DYNAP: variants seen among roughly 807,000 people sequenced by gnomAD.
DYNAP encodes the protein dynactin-associated protein.
DYNAP carries 7 observed loss-of-function variants against 8.5 expected under a neutral mutation model. That is an observed-to-expected ratio of 0.82 (90% confidence interval 0.47 to 1.54). The LOEUF is 1.54. DYNAP is among the 40% of genes most tolerant of loss of function. The pLI is 0.01. For missense variants in DYNAP, 256 were observed against 224.3 expected, an observed-to-expected ratio of 1.14 and a Z score of -0.90; for synonymous variants, 77 against 77.9, an observed-to-expected ratio of 0.99 and a Z score of 0.06.
intron 1 of DYNAP, among the ~76,000 whole-genome samples, chr18:54,592,325 T>C (rs1342414500): frequency 1.3e-5 from 2 of 152,154 alleles, no homozygotes; most frequent in Non-Finnish European, 2.9e-5. Flanking sequence ...ATAGTTTTTC[T>C]AGATAATAAC....
chr18:54,578,713 G>C, the DYNAP span, among the ~76,000 whole-genome samples: 31 of 152,156 alleles, frequency 2.0e-4, no homozygotes, highest in Admixed American at 1.4e-3. Flanking sequence ...TATAATAGAA[G>C]TAATGCTTAC....
At chr18:54,580,777 C>T in the DYNAP span, among the ~76,000 whole-genome samples, 1 of 152,180 alleles carries the variant, frequency 6.6e-6, no homozygotes, top group Non-Finnish European at 1.5e-5. Flanking sequence ...ACAATTTAGC[C>T]CATTTCCAAG....
At chr18:54,576,665 T>A in the DYNAP span, among the ~76,000 whole-genome samples, 1 of 148,734 alleles carries the variant, frequency 6.7e-6, no homozygotes. Flanking sequence ...GAGCTGAGAG[T>A]GGTGGTGCAC....
At chr18:54,585,049 G>T (rs1568238985), upstream of DYNAP, among the ~76,000 whole-genome samples, 1 of 152,030 alleles carries the variant, frequency 6.6e-6, no homozygotes, top group Non-Finnish European at 1.5e-5. Context: ...TACCTTGAGA[G>T]GAATGAATCA....
At position 54,598,133 on chromosome 18, in the gene DYNAP, C is replaced by T. The variant is rs373983597; in HGVS notation, c.543C>T (p.Thr181=). 4.0e-5 allele frequency: 64 copies of T among 1,607,462 alleles called. No homozygotes were observed. Among genetic ancestry groups the T allele is most frequent in the Admixed American group, 1.8e-4 (11 of 59,680 alleles). ...TSTEPITVAP[T]DHL ...CAGAACCTATAACTGTTGCACCTAC[C>T]GATCATTTATAATTTGAACAGCCAT... The change falls in exon 3 of 3, where the codon ACC becomes ACT. Residue 181 remains threonine (T), a synonymous_variant. Transcript: ENST00000648945.
chr18:54,597,247 G>C (rs1911331879), intron 2 of DYNAP, among the ~76,000 whole-genome samples: 1 of 152,038 alleles, frequency 6.6e-6, no homozygotes, highest in Non-Finnish European at 1.5e-5. Flanking sequence ...GGGTGAGAGA[G>C]GAAAGAATAA....
intron 2 of DYNAP, 79 bp from the exon 3 acceptor site, chr18:54,597,734 G>T: frequency 7.0e-7 from 1 of 1,424,204 alleles, no homozygotes; most frequent in Non-Finnish European, 9.5e-7. Context: ...AACCCAATAA[G>T]TTATAAGTAA....
chr18:54,597,472 A>G (rs1253842633), intron 2 of DYNAP, among the ~76,000 whole-genome samples: 1 of 152,146 alleles, frequency 6.6e-6, no homozygotes, highest in Non-Finnish European at 1.5e-5. Flanking sequence ...GAGGCTGAAC[A>G]TGTGTGAGGG....
intron 2 of DYNAP, among the ~76,000 whole-genome samples, chr18:54,596,006 A>G (rs1022549634): frequency 1.6e-4 from 24 of 152,232 alleles, no homozygotes; most frequent in Middle Eastern, 3.4e-3. Flanking sequence ...ATCCATATCA[A>G]TCATGGAATT....
upstream of DYNAP, among the ~76,000 whole-genome samples, chr18:54,588,088 G>A (rs890689440): frequency 1.3e-5 from 2 of 152,016 alleles, no homozygotes; most frequent in Non-Finnish European, 2.9e-5. Context: ...TCAAGCTTTC[G>A]ATAAAGAAAG....
chr18:54,576,427 A>G, the DYNAP span, among the ~76,000 whole-genome samples: 24 of 152,296 alleles, frequency 1.6e-4, no homozygotes, highest in Non-Finnish European at 3.1e-4. Flanking sequence ...TTTAATTTTC[A>G]TCTGTCAGTG....
rs1486515470 is a variant in DYNAP, at chr18:54,598,279, C to T, written c.*134C>T. On this transcript the variant is annotated 3_prime_UTR_variant, in exon 3 of 3. Transcript: ENST00000648945. The stretch of plus-strand genomic sequence containing the variant: ...CAGTCACTTTAACAGACTCTATAAC[C>T]GTTACAACTTCAACAAAATCAAGTC... The T allele has an allele frequency of 5.0e-5, 45 of 904,780 alleles. 1 individual carries two copies. The South Asian group carries it at 7.1e-4, about 14-fold the overall frequency. 56.0% of individuals were successfully genotyped at this position (904,780 alleles called of 1,614,324 possible). A position where few individuals can be genotyped will look rare whatever the true frequency, so the allele number is the denominator to read the frequency against.
chr18:54,579,276 C>G, the DYNAP span, among the ~76,000 whole-genome samples: 1 of 152,288 alleles, frequency 6.6e-6, no homozygotes, highest in East Asian at 1.9e-4. Flanking sequence ...TAAAACCACG[C>G]AATGCTGGCT....
chr18:54,586,316 T>C (rs2144881894), upstream of DYNAP, among the ~76,000 whole-genome samples: 1 of 152,242 alleles, frequency 6.6e-6, no homozygotes, highest in South Asian at 2.1e-4. Context: ...CCGATCCTCA[T>C]ACTCTGTGAA....
At chr18:54,587,306 A>G (rs578262763), upstream of DYNAP, among the ~76,000 whole-genome samples, 64 of 152,254 alleles carry the variant, frequency 4.2e-4, 1 homozygote, top group Non-Finnish European at 7.6e-4. Flanking sequence ...AGTTCCTGCT[A>G]CTTGGGATGC....
At chr18:54,590,402 A>G (rs1052511961), upstream of DYNAP, among the ~76,000 whole-genome samples, 2 of 152,124 alleles carry the variant, frequency 1.3e-5, no homozygotes, top group East Asian at 3.9e-4. Flanking sequence ...ACAGCTTTCC[A>G]TGTTCTTTAT....
At position 54,598,087 on chromosome 18, in the gene DYNAP, C is replaced by T; in HGVS notation, c.497C>T (p.Ala166Val). The T allele has an allele frequency of 6.2e-7, 1 of 1,612,940 alleles. No individual in the cohort carries two copies. Reference sequence around the variant, plus strand: ...GCCACTGAATCTACAACTTCAACAGCTACAGCTGCCACCACTTCCACAGAA... The same window carrying T: ...GCCACTGAATCTACAACTTCAACAGTTACAGCTGCCACCACTTCCACAGAA... ...STATESTTST[A>V]TAATTSTEPI... The change falls in exon 3 of 3, where the codon GCT becomes GTT. Residue 166 changes from alanine to valine, a missense_variant. Physicochemically the swap from Ala to Val is moderately conservative, Grantham distance 64. Transcript: ENST00000648945.
the DYNAP span, among the ~76,000 whole-genome samples, chr18:54,581,768 A>G: frequency 6.6e-6 from 1 of 152,344 alleles, no homozygotes; most frequent in East Asian, 1.9e-4. Flanking sequence ...TTTCACTTAG[A>G]TAAAGGAAAA....
chr18:54,580,795 G>A, the DYNAP span, among the ~76,000 whole-genome samples: 7 of 152,102 alleles, frequency 4.6e-5, no homozygotes, highest in East Asian at 1.9e-4. Flanking sequence ...AAGCACCAGC[G>A]CCATGACATC....
Sources: gnomAD v4.1 joint callset for allele counts (sites outside exome capture counted in the v4.1 genomes callset) on GRCh38, gnomAD v4.1.1 for gene constraint, MANE v1.5 for transcripts, NCBI Gene and HGNC (gene_info 2026-07-23, HGNC 2026-07-21) for gene names.